The following PIEZO2 variants were observed in gnomAD, a reference collection of about 807,000 sequenced individuals.
PIEZO2 encodes piezo-type mechanosensitive ion channel component 2.
A neutral mutation model predicts 337.3 loss-of-function variants in PIEZO2; 172 were observed. The ratio of observed to expected loss-of-function variants is 0.51; its 90% CI spans 0.45 to 0.58. The LOEUF is 0.58. PIEZO2 is among the 20% of genes least tolerant of loss of function. The pLI is 0.00. For missense variants in PIEZO2, 3,028 were observed against 3,391.3 expected (o/e 0.89, Z 2.66); for synonymous variants, 1,251 against 1,228.5 (o/e 1.02, Z -0.38).
intron 7 of PIEZO2, among the ~76,000 whole-genome samples, chr18:10,832,493 A>T (rs2040873608): frequency 6.6e-6 from 1 of 152,204 alleles, no homozygotes; most frequent in Admixed American, 6.5e-5. Flanking sequence ...AGAGAGGTTA[A>T]GTAATTTACC....
At chr18:10,720,363 CTGTGTGTGTGTGTGTGTGTGTG>C (rs58927900) in intron 36 of PIEZO2, among the ~76,000 whole-genome samples, 3 of 56,298 alleles carry the variant, frequency 5.3e-5, no homozygotes, top group Non-Finnish European at 3.2e-5. Flanking sequence ...TATATATATT[CTGTGTGTGTGTGTGTGTGTGTG>C]TGTGTGTGTG....
At chr18:10,950,984 G>C (rs761697536) in intron 3 of PIEZO2, among the ~76,000 whole-genome samples, 1 of 152,072 alleles carries the variant, frequency 6.6e-6, no homozygotes, top group Non-Finnish European at 1.5e-5. Context: ...GGTCATTCTT[G>C]TTATACCCAA....
intron 15 of PIEZO2, among the ~76,000 whole-genome samples, chr18:10,788,426 G>GA (rs765289891): frequency 3.5e-4 from 44 of 125,762 alleles, no homozygotes; most frequent in Non-Finnish European, 6.0e-4. Context: ...AAAAAAGAAA[G>GA]AAAGGAAGGA....
At position 10,837,616 on chromosome 18, in the gene PIEZO2, TG is replaced by T. The variant is rs1324561006; in HGVS notation, c.917+17736del. Among the ~76,000 whole-genome samples, 1 of 152,192 alleles carries T rather than the reference TG, an allele frequency of 6.6e-6. No homozygotes were observed. The highest frequency in any genetic ancestry group is 1.5e-5 in the Non-Finnish European group (1 of 68,044). On this transcript the variant is annotated intron_variant, in intron 7 of 55. Coordinates refer to ENST00000674853, the MANE Select transcript of PIEZO2 (RefSeq NM_001378183.1). This position sits in a 1 kb window ranked among gnomAD's most constrained non-coding sequence, Gnocchi z 4.4. ...TAAGAAAAGGCCTAAAATCTAACTG[TG>T]GGTGGACAGAACAGAATTAATTTTT... is the stretch of plus-strand genomic sequence containing the variant.
At chr18:11,140,429 A>G (rs2040610307) in intron 1 of PIEZO2, among the ~76,000 whole-genome samples, 2 of 152,162 alleles carry the variant, frequency 1.3e-5, no homozygotes, top group Non-Finnish European at 2.9e-5. Context: ...ACCAGATCCA[A>G]TTTCATGTTC....
intron 2 of PIEZO2, among the ~76,000 whole-genome samples, chr18:11,059,645 CA>C (rs2037865576): frequency 6.6e-6 from 1 of 152,030 alleles, no homozygotes; most frequent in Non-Finnish European, 1.5e-5. Flanking sequence ...CAACAAAGAT[CA>C]AAAGAGACAA....
At chr18:10,793,215 C>T (rs532144984) in intron 13 of PIEZO2, among the ~76,000 whole-genome samples, 6 of 152,090 alleles carry the variant, frequency 3.9e-5, no homozygotes, top group East Asian at 1.9e-4. Flanking sequence ...GCCGAGATTG[C>T]GCCACTGCCC....
chr18:11,120,930 A>C (rs896366543), intron 1 of PIEZO2, among the ~76,000 whole-genome samples: 7 of 152,346 alleles, frequency 4.6e-5, no homozygotes, highest in African/African-American at 1.7e-4. Context: ...TAATTTAAGC[A>C]AAATGTTTTA....
chr18:10,975,827 T>C (rs536989546), intron 3 of PIEZO2, among the ~76,000 whole-genome samples: 12 of 152,310 alleles, frequency 7.9e-5, no homozygotes, highest in African/African-American at 2.4e-4. Context: ...TGAATACTAC[T>C]TGAATATGAT....
At chr18:11,010,379 ATGT>A (rs1421765902) in intron 2 of PIEZO2, among the ~76,000 whole-genome samples, 3 of 152,244 alleles carry the variant, frequency 2.0e-5, no homozygotes, top group Non-Finnish European at 4.4e-5. Context: ...TGCACTCAAC[ATGT>A]TTTGAGAAGT....
At chr18:11,010,685 G>A (rs1338423237) in intron 2 of PIEZO2, among the ~76,000 whole-genome samples, 1 of 152,134 alleles carries the variant, frequency 6.6e-6, no homozygotes, top group Non-Finnish European at 1.5e-5. Flanking sequence ...AAATGGGATA[G>A]GCAAAGATAT....
chr18:11,147,742 C>G (rs927767132), intron 1 of PIEZO2, among the ~76,000 whole-genome samples: 1 of 152,244 alleles, frequency 6.6e-6, no homozygotes, highest in African/African-American at 2.4e-5. Context: ...AACGCAGCAC[C>G]CAGTTGCTTT....
intron 5 of PIEZO2, among the ~76,000 whole-genome samples, chr18:10,857,636 T>G (rs561444840): frequency 5.3e-5 from 8 of 152,358 alleles, no homozygotes; most frequent in Non-Finnish European, 7.3e-5. Context: ...AATCAATGCT[T>G]AGGAAATTCT....
intron 3 of PIEZO2, among the ~76,000 whole-genome samples, chr18:10,947,524 T>C (rs1250367067): frequency 1.3e-5 from 2 of 152,142 alleles, no homozygotes; most frequent in Non-Finnish European, 2.9e-5. Context: ...CTACTTTCAA[T>C]AGAAGAAAAC....
chr18:10,812,586 G>T (rs762833996), intron 7 of PIEZO2, among the ~76,000 whole-genome samples: 14 of 152,100 alleles, frequency 9.2e-5, no homozygotes, highest in Admixed American at 7.2e-4. Context: ...CATCAGGAAG[G>T]GTTGCTCATC....
intron 2 of PIEZO2, among the ~76,000 whole-genome samples, chr18:10,999,545 T>A (rs998106716): frequency 1.3e-5 from 2 of 152,154 alleles, no homozygotes; most frequent in African/African-American, 4.8e-5. Context: ...ATATAAATAA[T>A]CTAGAGATTA....
chr18:11,035,603 G>A lies in PIEZO2; in HGVS notation c.160+30524C>T, dbSNP rs546424179. Among the ~76,000 whole-genome samples, 1 of 152,278 alleles carries A rather than the reference G, an allele frequency of 6.6e-6. No homozygotes were observed. Among genetic ancestry groups the A allele is most frequent in the African/African-American group, 2.4e-5 (1 of 41,576 alleles). ...TTACTTGGCAGCTACCACACAAAGA[G>A]GATCTGCAGGCTAATTATCAGGAAA... On this transcript the variant is annotated intron_variant, in intron 2 of 55. Transcript: ENST00000674853. The surrounding 1 kb of genome is among the most constrained non-coding windows in gnomAD (Gnocchi z 4.3).
At position 10,724,453 on chromosome 18, in the gene PIEZO2, C is replaced by T. The variant is rs776224310; in HGVS notation, c.5030-6194G>A. Among the ~76,000 whole-genome samples, 5 of 152,192 alleles carry T rather than the reference C, an allele frequency of 3.3e-5. No homozygotes were observed. The highest frequency in any genetic ancestry group is 7.3e-5 in the Non-Finnish European group (5 of 68,034). ...AATGCATGCTGCAGCCAATCAGACC[C>T]CTGGTAGCAGAGCCTGGGCCCACCA... On this transcript the variant is annotated intron_variant, in intron 36 of 55. Coordinates refer to ENST00000674853, the MANE Select transcript of PIEZO2 (RefSeq NM_001378183.1). The surrounding 1 kb of genome is among the most constrained non-coding windows in gnomAD (Gnocchi z 5.8).
chr18:11,047,735 TA>T lies in PIEZO2; in HGVS notation c.160+18391del, dbSNP rs150304887. On this transcript the variant is annotated intron_variant, in intron 2 of 55. Transcript: ENST00000674853. This position sits in a 1 kb window ranked among gnomAD's most constrained non-coding sequence, Gnocchi z 7.2. ...AGTTAGGGCCTTTCTCCACAACAAC[TA>T]AGAGTATGGCTTTGACAGGTGTCCC... 0.011 allele frequency among the ~76,000 whole-genome samples: 1,728 copies of T among 152,122 alleles called. 40 individuals carry two copies. Among genetic ancestry groups the T allele is most frequent in the African/African-American group, 0.039 (1,639 of 41,498 alleles).
Sources: gnomAD v4.1 joint callset for allele counts (sites outside exome capture counted in the v4.1 genomes callset) on GRCh38, gnomAD v4.1.1 for gene constraint, Gnocchi (gnomAD v3.1) non-coding constraint, MANE v1.5 for transcripts, NCBI Gene and HGNC (gene_info 2026-07-23, HGNC 2026-07-21) for gene names.